Variants in DNAH9 observed in about 807,000 individuals in gnomAD.
DNAH9 encodes DNAH9 variant protein.
Under a neutral mutation model 471.6 loss-of-function variants are expected in DNAH9, and 345 were observed. The observed-to-expected ratio is 0.73, with a 90% confidence interval of 0.67 to 0.80. The LOEUF is 0.80. DNAH9 is among the 30% of genes least tolerant of loss of function. The pLI is 0.00. For missense variants in DNAH9, 5,407 were observed against 5,609.2 expected (o/e 0.96, Z 1.15); for synonymous variants, 2,093 against 2,123.6 (o/e 0.99, Z 0.40).
chr17:11,679,837 T>C lies in DNAH9; in HGVS notation c.3434T>C (p.Leu1145Ser). The stretch of plus-strand genomic sequence containing the variant: ...GTTGAAAAAGGAGATTTCCAAGGCT[T>C]GGTTGAGATCATGGGACACCTTATG... ...KKVEKGDFQGLVEIMGHLMAV... is the reference protein window; with the variant it reads ...KKVEKGDFQGSVEIMGHLMAV... Residue 1145 changes from leucine to serine, a missense_variant, in exon 18 of 69, where the codon TTG becomes TCG. Around this residue, in one of 3 missense-constraint regions of DNAH9, gnomAD observed 4,636 missense variants for 4,900.3 expected, o/e 0.95. Transcript: ENST00000262442. 6.2e-7 allele frequency: 1 copy of C among 1,614,100 alleles called. No individual in the cohort carries two copies. The highest frequency in any genetic ancestry group is 2.2e-5 in the East Asian group (1 of 44,870).
chr17:11,618,742 A>G (rs116111207), intron 5 of DNAH9, among the ~76,000 whole-genome samples: 2,491 of 152,294 alleles, frequency 0.016, 70 homozygotes, highest in African/African-American at 0.055. Context: ...AAATACTGTT[A>G]CATTCATGAT....
intron 50 of DNAH9, among the ~76,000 whole-genome samples, chr17:11,860,495 T>C (rs1310140059): frequency 6.6e-6 from 1 of 152,234 alleles, no homozygotes. Flanking sequence ...TATTGAATTC[T>C]GAGTTGCTAA....
chr17:11,945,154 C>T (rs1597859895), intron 67 of DNAH9, among the ~76,000 whole-genome samples: 1 of 152,138 alleles, frequency 6.6e-6, no homozygotes, highest in Non-Finnish European at 1.5e-5. Flanking sequence ...GTGGAAGGCA[C>T]GCTTGGCTTT....
Position 11,738,875 on chromosome 17 carries a change from A to C in DNAH9, c.5815-5A>C, listed in dbSNP as rs1228021599. 6.2e-7 allele frequency: 1 copy of C among 1,613,530 alleles called. No individual in the cohort carries two copies. The highest frequency in any genetic ancestry group is 1.3e-5 in the African/African-American group (1 of 74,890). ...GAATTTCTCGCTGATTGATTGGTTC[A>C]CCAGGTAAAAAGCATTCAAGATGCG... On this transcript the variant is annotated splice_polypyrimidine_tract_variant and splice_region_variant and intron_variant, in intron 28 of 68. Coordinates refer to ENST00000262442, the MANE Select transcript of DNAH9 (RefSeq NM_001372.4).
Position 11,954,066 on chromosome 17 carries a change from A to G in DNAH9, c.12844-7801A>G, listed in dbSNP as rs577769662. The G allele has an allele frequency of 3.9e-5, 6 of 152,276 alleles. No homozygotes were observed. In the South Asian group the frequency reaches 1.0e-3, roughly 26 times the overall value. The allele number at this position is 152,276 out of a possible 1,614,324, so 9.4% of individuals were successfully genotyped here. A position where few individuals can be genotyped will look rare whatever the true frequency, so the allele number is the denominator to read the frequency against. On this transcript the variant is annotated intron_variant, in intron 67 of 68. Transcript: ENST00000262442. The stretch of plus-strand genomic sequence containing the variant: ...CAATAAAAACATCTAGAATAATGAA[A>G]AAACCAAAAAAAGTAAACAAATTAC...
chr17:11,673,192 T>TTGGAAGGAAACA (rs2073998553), intron 17 of DNAH9, among the ~76,000 whole-genome samples: 1 of 152,218 alleles, frequency 6.6e-6, no homozygotes, highest in Non-Finnish European at 1.5e-5. Context: ...AGACTCCTGT[T>TTGGAAGGAAACA]TCCTTCAAAT....
At chr17:11,632,753 C>A (rs765358783) in intron 8 of DNAH9, 50 bp downstream of exon 8, 1 of 870,764 alleles carries the variant, frequency 1.1e-6, no homozygotes, top group South Asian at 1.4e-5. Flanking sequence ...CTCCCCCGGC[C>A]CTCATCAGAG....
chr17:11,654,380 T>TAAAAAAAAAAAAAAAAA (rs1555557829), intron 14 of DNAH9, among the ~76,000 whole-genome samples: 5 of 110,584 alleles, frequency 4.5e-5, no homozygotes, highest in South Asian at 2.9e-4. Flanking sequence ...AAAAAAAAAG[T>TAAAAAAAAAAAAAAAAA]TTAAAATCGA....
In DNAH9 at chr17:11,871,479, G is replaced by A. The variant is rs1233402425; in HGVS notation, c.10054-119G>A. 3.1e-5 allele frequency: 27 copies of A among 871,686 alleles called. No individual in the cohort carries two copies. In the South Asian group the frequency reaches 4.0e-4, roughly 13 times the overall value. 54.0% of individuals were successfully genotyped at this position (871,686 alleles called of 1,614,324 possible). A position where few individuals can be genotyped will look rare whatever the true frequency, so the allele number is the denominator to read the frequency against. On this transcript the variant is annotated intron_variant, in intron 51 of 68. Transcript: ENST00000262442. Reference sequence around the variant, plus strand: ...CCCATTAACGGAAAGGGCCATATAAGTGATATTCTGCCTCTTCCCGCTATG... The same window carrying A: ...CCCATTAACGGAAAGGGCCATATAAATGATATTCTGCCTCTTCCCGCTATG...
chr17:11,645,294 A>G (rs537413245), intron 11 of DNAH9, among the ~76,000 whole-genome samples: 1 of 152,320 alleles, frequency 6.6e-6, no homozygotes, highest in Admixed American at 6.5e-5. Context: ...CAGACAGATT[A>G]ATTAACAGCA....
chr17:11,884,924 T>G (rs1035856640), intron 56 of DNAH9, among the ~76,000 whole-genome samples: 4 of 148,916 alleles, frequency 2.7e-5, no homozygotes, highest in Non-Finnish European at 4.4e-5. Flanking sequence ...CTTCATCTGT[T>G]TTTTTTTTAT....
At position 11,665,365 on chromosome 17, in the gene DNAH9, T is replaced by C. The variant is rs567109326; in HGVS notation, c.2731+397T>C. Among the ~76,000 whole-genome samples the C allele has an allele frequency of 3.3e-5, 5 of 152,344 alleles. No homozygotes were observed. The South Asian group carries it at 8.3e-4, about 25-fold the overall frequency. On this transcript the variant is annotated intron_variant, in intron 15 of 68. Coordinates refer to ENST00000262442, the MANE Select transcript of DNAH9 (RefSeq NM_001372.4). ...GGACATTCTGTGCCTTCAAGCTTCA[T>C]GTATTTTATCTCTGTAGACTTTTGA...
chr17:11,750,813 G>T (rs1967113559), intron 32 of DNAH9, among the ~76,000 whole-genome samples: 1 of 152,068 alleles, frequency 6.6e-6, no homozygotes, highest in South Asian at 2.1e-4. Flanking sequence ...TAAAAGGTAG[G>T]CTGGAAGTAA....
At chr17:11,649,708 G>GA (rs914648236) in intron 12 of DNAH9, among the ~76,000 whole-genome samples, 1 of 151,992 alleles carries the variant, frequency 6.6e-6, no homozygotes, top group Non-Finnish European at 1.5e-5. Flanking sequence ...TGAACTAAAA[G>GA]AAAAAAACTC....
chr17:11,921,301 A>T (rs1417299506), intron 61 of DNAH9, among the ~76,000 whole-genome samples: 2 of 152,036 alleles, frequency 1.3e-5, no homozygotes, highest in African/African-American at 2.4e-5. Flanking sequence ...GTAGCAAGAA[A>T]ACACTAGAAA....
intron 61 of DNAH9, among the ~76,000 whole-genome samples, chr17:11,907,544 G>T (rs1488610474): frequency 6.6e-6 from 1 of 151,954 alleles, no homozygotes; most frequent in Non-Finnish European, 1.5e-5. Context: ...TTCCCATCAT[G>T]GCCTGAACTA....
rs767733962 is a variant in DNAH9 at position 11,647,052 on chromosome 17, G to T, written c.1971-20G>T. ...CTGGGAGGGGGCTTATGAGGTGGCT[G>T]TTGTCTCTGACCCTTGCAGGTATGA... is the stretch of plus-strand genomic sequence containing the variant. On this transcript the variant is annotated intron_variant, in intron 11 of 68. Coordinates refer to ENST00000262442, the MANE Select transcript of DNAH9 (RefSeq NM_001372.4). 4.3e-6 allele frequency: 7 copies of T among 1,611,734 alleles called. No homozygotes were observed. The highest frequency in any genetic ancestry group is 2.7e-5 in the African/African-American group (2 of 74,808).
chr17:11,628,878 T>G (rs2073016070), intron 6 of DNAH9, among the ~76,000 whole-genome samples: 1 of 152,194 alleles, frequency 6.6e-6, no homozygotes, highest in South Asian at 2.1e-4. Context: ...TGTATGTATA[T>G]ATTTATTTTG....
At chr17:11,727,956 C>T (rs761855538) in intron 28 of DNAH9, 34 bp downstream of exon 28, 1 of 1,356,636 alleles carries the variant, frequency 7.4e-7, no homozygotes, top group Non-Finnish European at 1.1e-6. Flanking sequence ...GCCTTGTGGT[C>T]TTCATATTGA....
Sources: gnomAD v4.1 joint callset for allele counts (sites outside exome capture counted in the v4.1 genomes callset) on GRCh38, gnomAD v4.1.1 for gene constraint, gnomAD v4.1.1 regional missense constraint, MANE v1.5 for transcripts, NCBI Gene and HGNC (gene_info 2026-07-23, HGNC 2026-07-21) for gene names.